The following ATXN1 variants were observed in gnomAD, a reference collection of about 807,000 sequenced individuals.
The protein encoded by ATXN1 is ataxin-1.
Under a neutral mutation model 56.4 loss-of-function variants are expected in ATXN1, and 8 were observed. The ratio of observed to expected loss-of-function variants is 0.14; its 90% CI spans 0.08 to 0.26. The LOEUF is 0.26. ATXN1 is among the 10% of genes least tolerant of loss of function. ATXN1 has a pLI of 1.00. For missense variants in ATXN1, 987 were observed against 1,106.5 expected, an observed-to-expected ratio of 0.89 and a Z score of 1.53; for synonymous variants, 514 against 494.6, an observed-to-expected ratio of 1.04 and a Z score of -0.52.
rs2113554610 is a variant in ATXN1 at position 16,760,181 on chromosome 6, G to C, written c.-730+1117C>G. 6.6e-6 allele frequency among the ~76,000 whole-genome samples: 1 copy of C among 151,974 alleles called. No homozygotes were observed. The highest frequency in any genetic ancestry group is 2.4e-5 in the African/African-American group (1 of 41,480). On this transcript the variant is annotated intron_variant, in intron 1 of 7. Coordinates refer to ENST00000436367, the MANE Select transcript of ATXN1 (RefSeq NM_001128164.2). This position sits in a 1 kb window ranked among gnomAD's most constrained non-coding sequence, Gnocchi z 5.3. ...GTGGCAGAGTCTCCGGCCCGGCCCA[G>C]AGTGAACGAGCAGTGGGGCTCCAGG... is the stretch of plus-strand genomic sequence containing the variant.
Position 16,611,336 on chromosome 6 carries a change from A to G in ATXN1, c.-488-25429T>C, listed in dbSNP as rs1029087650. On this transcript the variant is annotated intron_variant, in intron 3 of 7. Transcript: ENST00000436367. ...AGTCAAATTTAAGAAGACAACTAGA[A>G]GATTAAATATAAGGTATGAGTATTA... is the stretch of plus-strand genomic sequence containing the variant. 5.3e-5 allele frequency among the ~76,000 whole-genome samples: 8 copies of G among 152,338 alleles called. No individual in the cohort carries two copies. In the East Asian group the frequency reaches 1.5e-3, roughly 29 times the overall value.
chr6:16,588,920 C>T (rs1292254264), intron 3 of ATXN1, among the ~76,000 whole-genome samples: 2 of 152,224 alleles, frequency 1.3e-5, no homozygotes, highest in East Asian at 1.9e-4. Flanking sequence ...ATCTACATTC[C>T]TTTGGGTAAC....
intron 2 of ATXN1, among the ~76,000 whole-genome samples, chr6:16,720,338 C>G (rs140516135): frequency 1.3e-5 from 2 of 152,324 alleles, no homozygotes; most frequent in Non-Finnish European, 2.9e-5. Context: ...TCTACTTATG[C>G]AATTTACTTG....
At chr6:16,693,433 CTATA>C (rs1478281635) in intron 2 of ATXN1, among the ~76,000 whole-genome samples, 3 of 152,162 alleles carry the variant, frequency 2.0e-5, no homozygotes, top group Non-Finnish European at 4.4e-5. Context: ...CTAAAAAGTG[CTATA>C]TATACCATGT....
chr6:16,603,146 T>C (rs964193489), intron 3 of ATXN1, among the ~76,000 whole-genome samples: 1 of 152,188 alleles, frequency 6.6e-6, no homozygotes, highest in African/African-American at 2.4e-5. Flanking sequence ...CACTGGGACC[T>C]GGGACAGCAT....
chr6:16,741,000 C>T (rs1012251421), intron 2 of ATXN1, among the ~76,000 whole-genome samples: 2 of 152,146 alleles, frequency 1.3e-5, no homozygotes, highest in African/African-American at 2.4e-5. Context: ...CCTACAACTT[C>T]GGAAACGCAA....
chr6:16,313,971 T>G (rs753302185), intron 7 of ATXN1, among the ~76,000 whole-genome samples: 40 of 152,228 alleles, frequency 2.6e-4, no homozygotes, highest in African/African-American at 8.7e-4. Flanking sequence ...CTTTGCTTCC[T>G]ACCAAAGGAG....
chr6:16,348,028 C>T (rs1024192223), intron 6 of ATXN1, among the ~76,000 whole-genome samples: 2 of 152,194 alleles, frequency 1.3e-5, no homozygotes, highest in Non-Finnish European at 2.9e-5. Flanking sequence ...TGAACAACTC[C>T]AGACATGCCG....
intron 5 of ATXN1, among the ~76,000 whole-genome samples, chr6:16,487,926 A>C (rs1314401344): frequency 6.6e-6 from 1 of 152,220 alleles, no homozygotes; most frequent in Non-Finnish European, 1.5e-5. Context: ...AGTCTGTATT[A>C]TACGAACTGA....
chr6:16,694,321 G>C (rs1488772141), intron 2 of ATXN1, among the ~76,000 whole-genome samples: 1 of 143,498 alleles, frequency 7.0e-6, no homozygotes, highest in African/African-American at 2.6e-5. Flanking sequence ...GTGTGATCTT[G>C]GCTCACTGCA....
intron 2 of ATXN1, among the ~76,000 whole-genome samples, chr6:16,749,804 A>G (rs1216284913): frequency 2.0e-5 from 3 of 152,188 alleles, no homozygotes; most frequent in African/African-American, 7.2e-5. Flanking sequence ...TGCCAGGCCC[A>G]AGAACCCAAT....
intron 2 of ATXN1, among the ~76,000 whole-genome samples, chr6:16,743,751 A>G (rs935282233): frequency 6.6e-6 from 1 of 152,210 alleles, no homozygotes; most frequent in Admixed American, 6.5e-5. Context: ...AGAATGAGGG[A>G]AAGGTAGCCA....
At chr6:16,640,167 C>T (rs183682047) in intron 3 of ATXN1, among the ~76,000 whole-genome samples, 1 of 152,202 alleles carries the variant, frequency 6.6e-6, no homozygotes, top group African/African-American at 2.4e-5. Flanking sequence ...TGCCACATTT[C>T]GGTAATACAG....
intron 7 of ATXN1, among the ~76,000 whole-genome samples, chr6:16,324,316 T>C (rs543268915): frequency 2.0e-5 from 3 of 152,134 alleles, no homozygotes; most frequent in African/African-American, 7.2e-5. Flanking sequence ...CTGGGCATGG[T>C]GGTATGCACC....
intron 6 of ATXN1, among the ~76,000 whole-genome samples, chr6:16,451,587 C>T (rs1759753963): frequency 6.6e-6 from 1 of 152,082 alleles, no homozygotes; most frequent in Non-Finnish European, 1.5e-5. Flanking sequence ...GGAACCTCAT[C>T]TCTGCTAAAA....
chr6:16,659,084 C>T (rs761801183), intron 2 of ATXN1, among the ~76,000 whole-genome samples: 6 of 152,154 alleles, frequency 3.9e-5, no homozygotes, highest in Non-Finnish European at 7.3e-5. Context: ...TTCCTGGGAA[C>T]ACTAAAAACT....
At chr6:16,609,605 C>T (rs560821251) in intron 3 of ATXN1, among the ~76,000 whole-genome samples, 3 of 152,156 alleles carry the variant, frequency 2.0e-5, no homozygotes, top group South Asian at 2.1e-4. Context: ...AGCTTAAGAC[C>T]GAGGAAAGGA....
At chr6:16,335,888 A>C (rs1438346913) in intron 6 of ATXN1, among the ~76,000 whole-genome samples, 9 of 152,214 alleles carry the variant, frequency 5.9e-5, no homozygotes, top group Non-Finnish European at 1.0e-4. Context: ...AGAAGCAAGG[A>C]AAGATTATCC....
intron 6 of ATXN1, among the ~76,000 whole-genome samples, chr6:16,396,913 C>T (rs182254620): frequency 1.3e-5 from 2 of 152,326 alleles, no homozygotes; most frequent in East Asian, 1.9e-4. Flanking sequence ...TGTAGGCAAT[C>T]GTAACCCTAT....
Sources: allele counts gnomAD v4.1 joint callset (sites outside exome capture counted in the v4.1 genomes callset), GRCh38; gene constraint gnomAD v4.1.1; non-coding constraint Gnocchi (gnomAD v3.1); transcripts MANE v1.5; gene names NCBI Gene and HGNC (gene_info 2026-07-23, HGNC 2026-07-21).